Variants in SMCO2 observed in about 807,000 individuals in gnomAD.
SMCO2 encodes single-pass membrane protein with coiled-coil domains 2.
In SMCO2, 25 loss-of-function variants were observed where a neutral mutation model predicts 29.5. That is an observed-to-expected ratio of 0.85 (90% confidence interval 0.62 to 1.18). SMCO2 has a LOEUF of 1.18. SMCO2 is among the 50% of genes most tolerant of loss of function. The pLI, the probability that SMCO2 is intolerant of heterozygous loss-of-function variation, is 0.00. For synonymous variants in SMCO2, 117 were observed against 123.3 expected, an observed-to-expected ratio of 0.95 and a Z score of 0.34; for missense variants, 348 against 344.5, an observed-to-expected ratio of 1.01 and a Z score of -0.08.
chr12:27,448,804 T>C, the SMCO2 span, among the ~76,000 whole-genome samples: 1 of 152,216 alleles, frequency 6.6e-6, no homozygotes, highest in African/African-American at 2.4e-5. Flanking sequence ...GAGGTCACTC[T>C]AACATCCTCT....
chr12:27,423,668 G>A, the SMCO2 span: 1 of 152,184 alleles, frequency 6.6e-6, no homozygotes, highest in African/African-American at 2.4e-5. Flanking sequence ...TACCACTACA[G>A]TAATGTAGTG....
intron 4 of SMCO2, among the ~76,000 whole-genome samples, chr12:27,481,417 G>A (rs1271260891): frequency 6.6e-6 from 1 of 152,238 alleles, no homozygotes; most frequent in Non-Finnish European, 1.5e-5. Context: ...TCCTCCTGGA[G>A]GGGTATTGCC....
chr12:27,431,164 C>A, the SMCO2 span, among the ~76,000 whole-genome samples: 1 of 151,986 alleles, frequency 6.6e-6, no homozygotes, highest in Non-Finnish European at 1.5e-5. Context: ...TACAGGTGTG[C>A]ACCATCATGC....
upstream of SMCO2, among the ~76,000 whole-genome samples, chr12:27,462,653 T>G (rs1949467609): frequency 6.6e-6 from 1 of 152,200 alleles, no homozygotes. Flanking sequence ...TTCAGTAGTG[T>G]GCAGATATCT....
At chr12:27,495,758 A>G (rs1439530922) in exon 7 of SMCO2, 1 of 1,540,844 alleles carries the variant, frequency 6.5e-7, no homozygotes, top group South Asian at 1.2e-5. Flanking sequence ...TGACTCTCAC[A>G]GTTCTGAGGA....
intron 2 of SMCO2, among the ~76,000 whole-genome samples, chr12:27,471,261 T>C (rs381313): frequency 0.74 from 112,347 of 152,114 alleles, 41,847 homozygotes; most frequent in Middle Eastern, 0.84. Context: ...ATCAAAGATG[T>C]TCTTAAATGC....
intron 3 of SMCO2, 22 bp downstream of exon 3, chr12:27,472,897 A>G: frequency 1.3e-6 from 2 of 1,502,000 alleles, no homozygotes; most frequent in South Asian, 1.2e-5. Flanking sequence ...AAAATGGGTA[A>G]GAGAGACACT....
intron 4 of SMCO2, among the ~76,000 whole-genome samples, chr12:27,481,838 G>C (rs187172254): frequency 1.3e-5 from 2 of 152,122 alleles, no homozygotes; most frequent in Admixed American, 1.3e-4. Context: ...CTGTATTGAT[G>C]TCTCCTCACT....
chr12:27,466,133 A>T (rs1949496838), upstream of SMCO2, among the ~76,000 whole-genome samples: 1 of 152,224 alleles, frequency 6.6e-6, no homozygotes, highest in Non-Finnish European at 1.5e-5. Context: ...AGAAGATCAA[A>T]TGCTTGGGCC....
intron 4 of SMCO2, among the ~76,000 whole-genome samples, chr12:27,477,040 G>A (rs999218793): frequency 1.3e-5 from 2 of 151,856 alleles, no homozygotes; most frequent in Non-Finnish European, 2.9e-5. Flanking sequence ...TGATACTTTT[G>A]TGAGTTTTCA....
chr12:27,494,276 C>T (rs115091099), intron 5 of SMCO2, 24 bp from the exon 7 acceptor site: 2 of 1,405,080 alleles, frequency 1.4e-6, no homozygotes, highest in Non-Finnish European at 1.9e-6. Context: ...TTCATTTTAC[C>T]CAGAATTGTG....
At chr12:27,494,651 C>T (rs1252101671) in intron 6 of SMCO2, among the ~76,000 whole-genome samples, 1 of 152,056 alleles carries the variant, frequency 6.6e-6, no homozygotes, top group African/African-American at 2.4e-5. Context: ...TACCATCCCT[C>T]CCCTTGCCCT....
chr12:27,471,812 A>G (rs1295460556), intron 2 of SMCO2, among the ~76,000 whole-genome samples: 2 of 152,188 alleles, frequency 1.3e-5, no homozygotes, highest in Non-Finnish European at 2.9e-5. Context: ...AGGAGTGGGA[A>G]ACAGGCACAT....
the SMCO2 span, among the ~76,000 whole-genome samples, chr12:27,434,604 G>C: frequency 1.3e-5 from 2 of 152,012 alleles, no homozygotes; most frequent in Non-Finnish European, 2.9e-5. Flanking sequence ...AACTGAAAAA[G>C]ATCCATTCTT....
chr12:27,472,365 GC>G (rs930487395), intron 2 of SMCO2, among the ~76,000 whole-genome samples: 10 of 152,092 alleles, frequency 6.6e-5, no homozygotes, highest in African/African-American at 1.9e-4. Flanking sequence ...AGGACAGCTG[GC>G]GGGGTGGAGA....
chr12:27,451,283 T>C, the SMCO2 span, among the ~76,000 whole-genome samples: 3 of 152,192 alleles, frequency 2.0e-5, no homozygotes, highest in Admixed American at 6.5e-5. Flanking sequence ...CATTTTTTTT[T>C]CTAACATTAT....
chr12:27,455,088 C>T, the SMCO2 span, among the ~76,000 whole-genome samples: 14 of 152,178 alleles, frequency 9.2e-5, no homozygotes, highest in African/African-American at 3.4e-4. Context: ...ACCCACCACT[C>T]AGGATGACCA....
At chr12:27,440,495 A>G in the SMCO2 span, among the ~76,000 whole-genome samples, 3 of 152,218 alleles carry the variant, frequency 2.0e-5, no homozygotes, top group African/African-American at 7.2e-5. Flanking sequence ...TCCACTTATA[A>G]CTCTAGAATG....
intron 6 of SMCO2, 29 bp downstream of exon 7, chr12:27,494,385 A>T: frequency 2.0e-6 from 3 of 1,474,204 alleles, no homozygotes; most frequent in Non-Finnish European, 2.7e-6. Context: ...AATTCAAACA[A>T]TGATAAAATC....
Sources: gnomAD v4.1 joint callset for allele counts (sites outside exome capture counted in the v4.1 genomes callset) on GRCh38, gnomAD v4.1.1 for gene constraint, MANE v1.5 for transcripts, NCBI Gene and HGNC (gene_info 2026-07-23, HGNC 2026-07-21) for gene names.